The following ERMP1 variants were observed in gnomAD, a reference collection of about 807,000 sequenced individuals.
ERMP1 encodes the protein Felix-ina.
Under a neutral mutation model 92.0 loss-of-function variants are expected in ERMP1, and 86 were observed. That is an observed-to-expected ratio of 0.93 (90% CI 0.79 to 1.12). ERMP1 has a LOEUF of 1.12. ERMP1 is among the 50% of genes most tolerant of loss of function. The pLI is 0.00. For missense variants in ERMP1, 1,342 were observed against 1,116.3 expected (o/e 1.20, Z -2.88); for synonymous variants, 530 against 412.8 (o/e 1.28, Z -3.44).
At chr9:5,804,655 C>T (rs1489182299) in intron 10 of ERMP1, among the ~76,000 whole-genome samples, 1 of 152,186 alleles carries the variant, frequency 6.6e-6, no homozygotes, top group Non-Finnish European at 1.5e-5. Flanking sequence ...TATCTATTAA[C>T]ATGTGCCTCT....
intron 5 of ERMP1, among the ~76,000 whole-genome samples, chr9:5,863,429 G>C (rs1563788410): frequency 6.6e-6 from 1 of 152,152 alleles, no homozygotes; most frequent in African/African-American, 2.4e-5. Flanking sequence ...CAAGGCTACT[G>C]TTGTTTTACT....
chr9:5,837,227 C>A (rs1244702651), upstream of ERMP1, among the ~76,000 whole-genome samples: 1 of 152,126 alleles, frequency 6.6e-6, no homozygotes, highest in Non-Finnish European at 1.5e-5. Context: ...TCAAGCAATA[C>A]TGCTGCCTTA....
chr9:5,840,288 G>C (rs1447967816), intron 6 of ERMP1, among the ~76,000 whole-genome samples: 1 of 152,114 alleles, frequency 6.6e-6, no homozygotes, highest in Non-Finnish European at 1.5e-5. Context: ...AGGAAGGGAG[G>C]AAGGGAGGAA....
At position 5,809,821 on chromosome 9, in the gene ERMP1, T is replaced by C. The variant is rs193136102; in HGVS notation, c.1548+190A>G. 3.8e-4 allele frequency among the ~76,000 whole-genome samples: 58 copies of C among 152,290 alleles called. 3 individuals are homozygous for C. Among genetic ancestry groups the C allele is most frequent in the Admixed American group, 3.5e-3 (53 of 15,308 alleles). ...TAACAGCCCGGCTTTATAACCTCAT[T>C]TGAATTTTGTGACATTACCCTCAGA... On this transcript the variant is annotated intron_variant, in intron 8 of 14. Transcript: ENST00000339450.
Position 5,824,637 on chromosome 9 carries a change from G to A in ERMP1, c.768+455C>T, listed in dbSNP as rs565051223. 6.6e-5 allele frequency among the ~76,000 whole-genome samples: 10 copies of A among 152,130 alleles called. No homozygotes were observed. The South Asian group carries it at 2.1e-3, about 32-fold the overall frequency. ...AGGCTGGTCTCAAACTCCTGACCTC[G>A]TGATCTGCCTGCCTCGGCCTCCCAA... On this transcript the variant is annotated intron_variant, in intron 3 of 14. Coordinates refer to ENST00000339450, the MANE Select transcript of ERMP1 (RefSeq NM_024896.3).
rs763243350 is a variant in ERMP1 at position 5,805,154 on chromosome 9, A to G, written c.1787T>C (p.Leu596Ser). 2 of 1,613,744 alleles carry G rather than the reference A, an allele frequency of 1.2e-6. No homozygotes were observed. Among genetic ancestry groups the G allele is most frequent in the East Asian group, 2.2e-5 (1 of 44,878 alleles). ...CTCAAATACTGCCCAGATGAGGTAC[A>G]ATGCATAAAGATAAGGAATAAACAT... ...LGMFIPYLYALYLIWAVFEMF... is the reference protein window; with the variant it reads ...LGMFIPYLYASYLIWAVFEMF... The change falls in exon 10 of 15, where the codon TTG becomes TCG. Residue 596 changes from leucine (L) to serine (S), a missense_variant. Leu to Ser is a moderately radical substitution (Grantham distance 145, BLOSUM62 -2). Coordinates refer to ENST00000339450, the MANE Select transcript of ERMP1 (RefSeq NM_024896.3).
chr9:5,843,240 A>G (rs1403226812), intron 6 of ERMP1, among the ~76,000 whole-genome samples: 1 of 152,242 alleles, frequency 6.6e-6, no homozygotes, highest in Non-Finnish European at 1.5e-5. Flanking sequence ...CAGTAACCAT[A>G]GCTCTGCGGA....
In ERMP1 at chr9:5,787,278, T is replaced by G; in HGVS notation, c.2581A>C (p.Thr861Pro). Residue 861 changes from threonine (T) to proline (P), a missense_variant, in exon 15 of 15, where the codon ACC becomes CCC. Transcript: ENST00000339450. The part of the protein sequence containing the change: ...VSEEHPEGMV[T>P]VAIAAHYLSG... ...AGATAGTGGGCAGCAATGGCCACGG[T>G]GACCATTCCTTCAGGATGTTCTTCT... is the stretch of plus-strand genomic sequence containing the variant. The G allele has an allele frequency of 6.2e-7, 1 of 1,613,722 alleles. No homozygotes were observed. Among genetic ancestry groups the G allele is most frequent in the Non-Finnish European group, 8.5e-7 (1 of 1,179,888 alleles).
upstream of ERMP1, among the ~76,000 whole-genome samples, chr9:5,834,260 T>C (rs1830054251): frequency 6.6e-6 from 1 of 152,206 alleles, no homozygotes; most frequent in Non-Finnish European, 1.5e-5. Flanking sequence ...ATTGTCTTTT[T>C]AACTCCTAGT....
chr9:5,808,426 A>G (rs1828951110), intron 8 of ERMP1, among the ~76,000 whole-genome samples: 1 of 152,354 alleles, frequency 6.6e-6, no homozygotes, highest in African/African-American at 2.4e-5. Flanking sequence ...TATGAGCTCA[A>G]CCATAAGCAG....
chr9:5,855,393 C>G (rs1424464698), intron 6 of ERMP1, among the ~76,000 whole-genome samples: 1 of 152,162 alleles, frequency 6.6e-6, no homozygotes, highest in Non-Finnish European at 1.5e-5. Flanking sequence ...TGGGCTAGAG[C>G]CCTTAGCATT....
chr9:5,836,929 A>AC (rs776157493), upstream of ERMP1, among the ~76,000 whole-genome samples: 64 of 151,334 alleles, frequency 4.2e-4, no homozygotes, highest in Middle Eastern at 0.01. Flanking sequence ...TCTACTTTTA[A>AC]CCCCCCCTCA....
rs368280995 is a variant in ERMP1 at position 5,812,162 on chromosome 9, T to C, written c.1077A>G (p.Thr359=). 6 of 1,611,712 alleles carry C rather than the reference T, an allele frequency of 3.7e-6. No individual in the cohort carries two copies. The African/African-American group carries it at 6.7e-5, about 18-fold the overall frequency. The change falls in exon 6 of 15, where the codon ACA becomes ACG. Residue 359 remains threonine (T), a synonymous_variant. Coordinates refer to ENST00000339450, the MANE Select transcript of ERMP1 (RefSeq NM_024896.3). ...NGYIYHTKYD[T]ADRILTDSIQ... ...TGGAATCTGTTAGAATTCTGTCCGC[T>C]GTGTCATACTTGGTGTGATAAATGT...
intron 8 of ERMP1, among the ~76,000 whole-genome samples, chr9:5,809,684 T>C (rs1160097873): frequency 6.6e-6 from 1 of 152,178 alleles, no homozygotes; most frequent in Non-Finnish European, 1.5e-5. Context: ...AGAACAGATA[T>C]TCAAATAACA....
Position 5,827,190 on chromosome 9 carries a change from G to C in ERMP1, c.641-1971C>G, listed in dbSNP as rs551456116. Among the ~76,000 whole-genome samples, 18 of 151,752 alleles carry C rather than the reference G, an allele frequency of 1.2e-4. No homozygotes were observed. In the South Asian group the frequency reaches 1.2e-3, roughly 11 times the overall value. On this transcript the variant is annotated intron_variant, in intron 2 of 14. Coordinates refer to ENST00000339450, the MANE Select transcript of ERMP1 (RefSeq NM_024896.3). ...AGATACACAGATGAGAACTTAAAAA[G>C]AAAAAAAGAAAAAAGAAGTGCTTCA...
At chr9:5,849,065 C>T (rs1830274560) in intron 6 of ERMP1, among the ~76,000 whole-genome samples, 1 of 152,078 alleles carries the variant, frequency 6.6e-6, no homozygotes, top group Non-Finnish European at 1.5e-5. Flanking sequence ...GCTCTGTCGC[C>T]AGGCTGGAGT....
In ERMP1 at chr9:5,797,831, G is replaced by A. The variant is rs757152177; in HGVS notation, c.2372C>T (p.Thr791Ile). The A allele has an allele frequency of 2.5e-6, 4 of 1,600,324 alleles. No individual in the cohort carries two copies. The highest frequency in any genetic ancestry group is 1.1e-5 in the South Asian group (1 of 88,310). Residue 791 changes from threonine to isoleucine, a missense_variant, in exon 13 of 15, where the codon ACT (threonine) becomes ATT (isoleucine). By Grantham distance (89) the Thr-to-Ile change is moderately conservative (BLOSUM62 -1). Coordinates refer to ENST00000339450, the MANE Select transcript of ERMP1 (RefSeq NM_024896.3). Reference sequence around the variant, plus strand: ...ATATGACTTACCTGTTGCTTCAAAAGTCAATTTTATAGAATCCCAAGGTGT... The same window carrying A: ...ATATGACTTACCTGTTGCTTCAAAAATCAATTTTATAGAATCCCAAGGTGT... ...EQTPWDSIKL[T>I]FEATGPSHMS...
intron 4 of ERMP1, among the ~76,000 whole-genome samples, chr9:5,815,165 T>C (rs1015723379): frequency 6.6e-6 from 1 of 152,138 alleles, no homozygotes; most frequent in Admixed American, 6.5e-5. Flanking sequence ...AAGCCACGAA[T>C]TCAAAAAGGT....
At chr9:5,839,932 C>A (rs941937540) in intron 6 of ERMP1, among the ~76,000 whole-genome samples, 2 of 152,182 alleles carry the variant, frequency 1.3e-5, no homozygotes, top group Non-Finnish European at 2.9e-5. Context: ...CTACTTGGTA[C>A]ATTAGCAATC....
Sources: gnomAD v4.1 joint callset for allele counts (sites outside exome capture counted in the v4.1 genomes callset) on GRCh38, gnomAD v4.1.1 for gene constraint, MANE v1.5 for transcripts, NCBI Gene and HGNC (gene_info 2026-07-23, HGNC 2026-07-21) for gene names.